OR51S1: variants seen among roughly 807,000 people sequenced by gnomAD.
OR51S1 encodes olfactory receptor family 51 subfamily S member 1.
In OR51S1, 1 loss-of-function variant was observed where a neutral mutation model predicts 0.3. The observed-to-expected ratio is 3.51, with a 90% CI of 1.25 to 16.67. OR51S1 has a LOEUF of 16.67. Among genes scored for constraint, OR51S1 ranks in the 30% most tolerant of loss-of-function variants. OR51S1 has a pLI of 0.12. For synonymous variants in OR51S1, 180 were observed against 159.4 expected, an observed-to-expected ratio of 1.13 and a Z score of -0.97; for missense variants, 479 against 393.8, an observed-to-expected ratio of 1.22 and a Z score of -1.83.
At position 4,848,716 on chromosome 11, in the gene OR51S1, G is replaced by T; in HGVS notation, c.493C>A (p.Leu165Met). 1 of 1,614,116 alleles carries T rather than the reference G, an allele frequency of 6.2e-7. No homozygotes were observed. The highest frequency in any genetic ancestry group is 8.5e-7 in the Non-Finnish European group (1 of 1,180,012). Reference protein sequence around the residue: ...AISFRCLGLHLPLPFLLAYMP... With the variant: ...AISFRCLGLHMPLPFLLAYMP... Reference sequence around the variant, plus strand: ...TAGGCCAGCAGGAATGGCAGGGGCAGATGGAGACCCAGGCATCGAAAAGAA... The same window carrying T: ...TAGGCCAGCAGGAATGGCAGGGGCATATGGAGACCCAGGCATCGAAAAGAA... Residue 165 changes from leucine (L) to methionine (M), a missense_variant, in exon 1 of 1, where the codon CTG (leucine) becomes ATG (methionine). Leu to Met is a conservative substitution (Grantham distance 15). Transcript: ENST00000322101.
Position 4,849,078 on chromosome 11 carries a change from A to G in OR51S1, c.131T>C (p.Leu44Pro). 6.2e-7 allele frequency: 1 copy of G among 1,614,088 alleles called. No individual in the cohort carries two copies. Among genetic ancestry groups the G allele is most frequent in the Non-Finnish European group, 8.5e-7 (1 of 1,179,982 alleles). Reference sequence around the variant, plus strand: ...GGTGCCATTTCCCAGTGCAGAGAGAAGGTAGACAGCAATGAGGGGCAATGT... The same window carrying G: ...GGTGCCATTTCCCAGTGCAGAGAGAGGGTAGACAGCAATGAGGGGCAATGT... ...WWTLPLIAVY[L>P]LSALGNGTIL... Residue 44 changes from leucine to proline, a missense_variant, in exon 1 of 1, where the codon CTT becomes CCT. Transcript: ENST00000322101.
rs1589918495 is a variant in OR51S1, at chr11:4,848,448, G to A, written c.761C>T (p.Ala254Val). Residue 254 changes from alanine to valine, a missense_variant, in exon 1 of 1, where the codon GCA becomes GTA. Ala to Val is a moderately conservative substitution (Grantham distance 64). Coordinates refer to ENST00000322101, the MANE Select transcript of OR51S1 (RefSeq NM_001004758.1). ...CATAGGGATATAGAAGAGGAGCACT[G>A]CAGAGAGGTGGGCAGCACAGGTTTG... ...AGQTCAAHLS[A>V]VLLFYIPMIL... is the part of the protein sequence containing the mutation. 5 of 1,613,924 alleles carry A rather than the reference G, an allele frequency of 3.1e-6. No individual in the cohort carries two copies. The highest frequency in any genetic ancestry group is 4.2e-6 in the Non-Finnish European group (5 of 1,179,870).
rs1849904960 is a variant in OR51S1 at position 4,848,311 on chromosome 11, T to G, written c.898A>C (p.Ser300Arg). The change falls in exon 1 of 1, where the codon AGT becomes CGT. Residue 300 changes from serine (S) to arginine (R), a missense_variant. Physicochemically the swap from Ser to Arg is moderately radical, Grantham distance 110. Transcript: ENST00000322101. ...LPPLINPILYSVKMKEIRKRI... is the reference protein window; with the variant it reads ...LPPLINPILYRVKMKEIRKRI... Reference sequence around the variant, plus strand: ...TTTCTAATCTCCTTCATCTTGACACTATAGAGAATAGGGTTTATCAATGGA... The same window carrying G: ...TTTCTAATCTCCTTCATCTTGACACGATAGAGAATAGGGTTTATCAATGGA... 6.2e-7 allele frequency: 1 copy of G among 1,613,858 alleles called. No homozygotes were observed. Among genetic ancestry groups the G allele is most frequent in the Non-Finnish European group, 8.5e-7 (1 of 1,179,928 alleles).
chr11:4,848,400 TG>T lies in OR51S1; in HGVS notation c.808del (p.His270IlefsTer24). The T allele has an allele frequency of 6.2e-7, 1 of 1,613,886 alleles. No homozygotes were observed. Among genetic ancestry groups the T allele is most frequent in the Non-Finnish European group, 8.5e-7 (1 of 1,179,900 alleles). ...ATGCTGAGTGATTGGCAGCTCAGGATGGTTAATCAGTGCCAGGAGGATCATA... is the reference window on the plus strand; with the variant it reads ...ATGCTGAGTGATTGGCAGCTCAGGATGTTAATCAGTGCCAGGAGGATCATA... ...IPMILLALIN[H>X]PELPITQHTH... On this transcript the variant is annotated frameshift_variant, in exon 1 of 1. Coordinates refer to ENST00000322101, the MANE Select transcript of OR51S1 (RefSeq NM_001004758.1). LOFTEE classifies it low-confidence loss of function (END_TRUNC).
In OR51S1 at chr11:4,848,994, A is replaced by T; in HGVS notation, c.215T>A (p.Phe72Tyr). Residue 72 changes from phenylalanine to tyrosine, a missense_variant, in exon 1 of 1, where the codon TTC becomes TAC. By Grantham distance (22) the Phe-to-Tyr change is conservative (BLOSUM62 3). Coordinates refer to ENST00000322101, the MANE Select transcript of OR51S1 (RefSeq NM_001004758.1). Reference sequence around the variant, plus strand: ...TCCAATATCAGACACACTAAGCAAGAAGAGGAAGAAGTGCATTGGGCGGTG... The same window carrying T: ...TCCAATATCAGACACACTAAGCAAGTAGAGGAAGAAGTGCATTGGGCGGTG... ...ALHRPMHFFL[F>Y]LLSVSDIGLV... The T allele has an allele frequency of 6.2e-7, 1 of 1,614,138 alleles. No homozygotes were observed. The highest frequency in any genetic ancestry group is 1.1e-5 in the South Asian group (1 of 91,078).
Position 4,848,444 on chromosome 11 carries a change from C to A in OR51S1, c.765G>T (p.Val255=), listed in dbSNP as rs749718779. ...GGATCATAGGGATATAGAAGAGGAG[C>A]ACTGCAGAGAGGTGGGCAGCACAGG... ...GQTCAAHLSA[V]LLFYIPMILL... Residue 255 remains valine, a synonymous_variant, in exon 1 of 1, where the codon GTG becomes GTT. Transcript: ENST00000322101. The A allele has an allele frequency of 1.9e-6, 3 of 1,613,752 alleles. No homozygotes were observed. Among genetic ancestry groups the A allele is most frequent in the Non-Finnish European group, 2.5e-6 (3 of 1,179,818 alleles).
In OR51S1 at chr11:4,848,304, T is replaced by C. The variant is rs778409299; in HGVS notation, c.905A>G (p.Lys302Arg). 7 of 1,613,944 alleles carry C rather than the reference T, an allele frequency of 4.3e-6. No individual in the cohort carries two copies. In the Admixed American group the frequency reaches 6.7e-5, roughly 15 times the overall value. Residue 302 changes from lysine (K) to arginine (R), a missense_variant, in exon 1 of 1, where the codon AAG becomes AGG. Coordinates refer to ENST00000322101, the MANE Select transcript of OR51S1 (RefSeq NM_001004758.1). The stretch of plus-strand genomic sequence containing the variant: ...TATTCTCTTTCTAATCTCCTTCATC[T>C]TGACACTATAGAGAATAGGGTTTAT... ...PLINPILYSV[K>R]MKEIRKRILN...
rs1315477619 is a variant in OR51S1 at position 4,848,661 on chromosome 11, G to A, written c.548C>T (p.Thr183Ile). ...ATCTGGATGCAAGCAATAAGAATGGGTTAGGACCTGTGGGAGGCAGTAGGG... is the reference window on the plus strand; with the variant it reads ...ATCTGGATGCAAGCAATAAGAATGGATTAGGACCTGTGGGAGGCAGTAGGG... ...YMPYCLPQVL[T>I]HSYCLHPDVA... Residue 183 changes from threonine (T) to isoleucine (I), a missense_variant, in exon 1 of 1, where the codon ACC (threonine) becomes ATC (isoleucine). Thr to Ile is a moderately conservative substitution (Grantham distance 89, BLOSUM62 -1). Coordinates refer to ENST00000322101, the MANE Select transcript of OR51S1 (RefSeq NM_001004758.1). 11 of 1,613,790 alleles carry A rather than the reference G, an allele frequency of 6.8e-6. No individual in the cohort carries two copies. In the East Asian group the frequency reaches 8.9e-5, roughly 13 times the overall value.
Position 4,848,597 on chromosome 11 carries a change from G to C in OR51S1, c.612C>G (p.Ala204=). 1.2e-6 allele frequency: 2 copies of C among 1,607,234 alleles called. No homozygotes were observed. Among genetic ancestry groups the C allele is most frequent in the Non-Finnish European group, 1.7e-6 (2 of 1,176,722 alleles). The part of the protein sequence containing the change: ...RLACPEAWGA[A]YSLFVVLSAM... Reference sequence around the variant, plus strand: ...CTGAAAGAACCACAAATAGGCTGTAGGCTGCACCCCAAGCTTCTGGGCAGG... The same window carrying C: ...CTGAAAGAACCACAAATAGGCTGTACGCTGCACCCCAAGCTTCTGGGCAGG... The change falls in exon 1 of 1, where the codon GCC becomes GCG. Residue 204 remains alanine (A), a synonymous_variant. Coordinates refer to ENST00000322101, the MANE Select transcript of OR51S1 (RefSeq NM_001004758.1).
At position 4,848,358 on chromosome 11, in the gene OR51S1, G is replaced by A. The variant is rs755927864; in HGVS notation, c.851C>T (p.Ser284Phe). Residue 284 changes from serine (S) to phenylalanine (F), a missense_variant, in exon 1 of 1, where the codon TCC becomes TTC. Transcript: ENST00000322101. Reference protein sequence around the residue: ...PITQHTHTLLSYVHFLLPPLI... With the variant: ...PITQHTHTLLFYVHFLLPPLI... Reference sequence around the variant, plus strand: ...TGGAGGAAGAAGGAAATGGACATAGGATAGAAGAGTATGGGTATGCTGAGT... The same window carrying A: ...TGGAGGAAGAAGGAAATGGACATAGAATAGAAGAGTATGGGTATGCTGAGT... The A allele has an allele frequency of 1.4e-5, 23 of 1,614,006 alleles. No homozygotes were observed. Among genetic ancestry groups the A allele is most frequent in the Middle Eastern group, 3.3e-4 (2 of 6,084 alleles).
rs754904389 is a variant in OR51S1 at position 4,848,792 on chromosome 11, G to A, written c.417C>T (p.His139=). 16 of 1,614,052 alleles carry A rather than the reference G, an allele frequency of 9.9e-6. No homozygotes were observed. Among genetic ancestry groups the A allele is most frequent in the Non-Finnish European group, 1.3e-5 (15 of 1,180,030 alleles). ...CACCATTGGTGAGGAGCGCTGGGTAGTGGAGAGGTCGGCAGATGGCCAGTG... is the reference window on the plus strand; with the variant it reads ...CACCATTGGTGAGGAGCGCTGGGTAATGGAGAGGTCGGCAGATGGCCAGTG... ...DRALAICRPL[H]YPALLTNGVI... is the part of the protein sequence containing the mutation. The change falls in exon 1 of 1, where the codon CAC becomes CAT. Residue 139 remains histidine, a synonymous_variant. Transcript: ENST00000322101.
rs1327838310 is a variant in OR51S1, at chr11:4,848,384, G to A, written c.825C>T (p.Ile275=). Residue 275 remains isoleucine (I), a synonymous_variant, in exon 1 of 1, where the codon ATC becomes ATT. Coordinates refer to ENST00000322101, the MANE Select transcript of OR51S1 (RefSeq NM_001004758.1). ...ATAGAAGAGTATGGGTATGCTGAGT[G>A]ATTGGCAGCTCAGGATGGTTAATCA... ...LALINHPELP[I]TQHTHTLLSY... is the part of the protein sequence containing the mutation. 6.2e-7 allele frequency: 1 copy of A among 1,613,972 alleles called. No homozygotes were observed. The highest frequency in any genetic ancestry group is 8.5e-7 in the Non-Finnish European group (1 of 1,179,956).
rs774779619 is a variant in OR51S1 at position 4,848,459 on chromosome 11, G to A, written c.750C>T (p.Ala250=). 1 of 1,613,740 alleles carries A rather than the reference G, an allele frequency of 6.2e-7. No individual in the cohort carries two copies. Among genetic ancestry groups the A allele is most frequent in the Non-Finnish European group, 8.5e-7 (1 of 1,179,822 alleles). ...AGAAGAGGAGCACTGCAGAGAGGTGGGCAGCACAGGTTTGACCAGCCTTCC... is the reference window on the plus strand; with the variant it reads ...AGAAGAGGAGCACTGCAGAGAGGTGAGCAGCACAGGTTTGACCAGCCTTCC... ...DRWKAGQTCA[A]HLSAVLLFYI... is the part of the protein sequence containing the mutation. The change falls in exon 1 of 1, where the codon GCC becomes GCT. Residue 250 remains alanine (A), a synonymous_variant. Transcript: ENST00000322101.
rs1271084206 is a variant in OR51S1, at chr11:4,848,990, CAAG to C, written c.216_218del (p.Phe72del). The C allele has an allele frequency of 1.2e-6, 2 of 1,613,966 alleles. No individual in the cohort carries two copies. Among genetic ancestry groups the C allele is most frequent in the African/African-American group, 2.7e-5 (2 of 74,880 alleles). On this transcript the variant is annotated inframe_deletion, in exon 1 of 1. Transcript: ENST00000322101. The stretch of plus-strand genomic sequence containing the variant: ...CCAATCCAATATCAGACACACTAAG[CAAG>C]AAGAGGAAGAAGTGCATTGGGCGGT...
At position 4,848,541 on chromosome 11, in the gene OR51S1, A is replaced by G. The variant is rs1185330827; in HGVS notation, c.668T>C (p.Phe223Ser). ...AMGLDPLLIF[F>S]SYGLIGKVLQ... ...CACCTTGCCAATCAGGCCATAGGAG[A>G]AGAAAATAAGCAGGGGGTCCAAACC... is the stretch of plus-strand genomic sequence containing the variant. The change falls in exon 1 of 1, where the codon TTC becomes TCC. Residue 223 changes from phenylalanine (F) to serine (S), a missense_variant. Physicochemically the swap from Phe to Ser is radical, Grantham distance 155 (BLOSUM62 -2). Coordinates refer to ENST00000322101, the MANE Select transcript of OR51S1 (RefSeq NM_001004758.1). 6.2e-7 allele frequency: 1 copy of G among 1,612,480 alleles called. No individual in the cohort carries two copies. Among genetic ancestry groups the G allele is most frequent in the Non-Finnish European group, 8.5e-7 (1 of 1,179,338 alleles).
chr11:4,848,296 C>G lies in OR51S1; in HGVS notation c.913G>C (p.Glu305Gln). The change falls in exon 1 of 1, where the codon GAG (glutamate) becomes CAG (glutamine). Residue 305 changes from glutamate (E) to glutamine (Q), a missense_variant. By Grantham distance (29) the Glu-to-Gln change is conservative. Coordinates refer to ENST00000322101, the MANE Select transcript of OR51S1 (RefSeq NM_001004758.1). ...NPILYSVKMK[E>Q]IRKRILNRLQ... ...CTGTTGAGTATTCTCTTTCTAATCT[C>G]CTTCATCTTGACACTATAGAGAATA... 6.2e-7 allele frequency: 1 copy of G among 1,613,896 alleles called. No individual in the cohort carries two copies.
chr11:4,848,291 A>T lies in OR51S1; in HGVS notation c.918T>A (p.Ile306=). The T allele has an allele frequency of 6.2e-7, 1 of 1,613,816 alleles. No individual in the cohort carries two copies. The highest frequency in any genetic ancestry group is 8.5e-7 in the Non-Finnish European group (1 of 1,179,848). ...PILYSVKMKE[I]RKRILNRLQP... is the part of the protein sequence containing the mutation. ...GCAACCTGTTGAGTATTCTCTTTCTAATCTCCTTCATCTTGACACTATAGA... is the reference window on the plus strand; with the variant it reads ...GCAACCTGTTGAGTATTCTCTTTCTTATCTCCTTCATCTTGACACTATAGA... The change falls in exon 1 of 1, where the codon ATT becomes ATA. Residue 306 remains isoleucine (I), a synonymous_variant. Transcript: ENST00000322101.
chr11:4,848,462 A>C lies in OR51S1; in HGVS notation c.747T>G (p.Ala249=). The change falls in exon 1 of 1, where the codon GCT becomes GCG. Residue 249 remains alanine, a synonymous_variant. Coordinates refer to ENST00000322101, the MANE Select transcript of OR51S1 (RefSeq NM_001004758.1). ...EDRWKAGQTC[A]AHLSAVLLFY... is the part of the protein sequence containing the mutation. ...AGAGGAGCACTGCAGAGAGGTGGGC[A>C]GCACAGGTTTGACCAGCCTTCCAGC... The C allele has an allele frequency of 6.2e-7, 1 of 1,613,800 alleles. No homozygotes were observed. Among genetic ancestry groups the C allele is most frequent in the South Asian group, 1.1e-5 (1 of 91,010 alleles).
At position 4,848,509 on chromosome 11, in the gene OR51S1, C is replaced by T. The variant is rs752429033; in HGVS notation, c.700G>A (p.Gly234Ser). The change falls in exon 1 of 1, where the codon GGT (glycine) becomes AGT (serine). Residue 234 changes from glycine to serine, a missense_variant. Transcript: ENST00000322101. The stretch of plus-strand genomic sequence containing the variant: ...CAGCGATCCTCTCTGGACTCCACAC[C>T]TTGCAACACCTTGCCAATCAGGCCA... ...SYGLIGKVLQ[G>S]VESREDRWKA... The T allele has an allele frequency of 1.9e-6, 3 of 1,613,548 alleles. No individual in the cohort carries two copies. The highest frequency in any genetic ancestry group is 1.7e-5 in the Admixed American group (1 of 59,970).
Sources: allele counts gnomAD v4.1 joint callset, GRCh38; gene constraint gnomAD v4.1.1; transcripts MANE v1.5; gene names NCBI Gene and HGNC (gene_info 2026-07-23, HGNC 2026-07-21).